GPC6: variants seen among roughly 807,000 people sequenced by gnomAD.
The protein encoded by GPC6 is glypican 6.
A neutral mutation model predicts 55.2 loss-of-function variants in GPC6; 14 were observed. The ratio of observed to expected loss-of-function variants is 0.25; its 90% CI spans 0.17 to 0.40. GPC6 has a LOEUF of 0.40. GPC6 is among the 10% of genes least tolerant of loss of function. The pLI is 1.00. For synonymous variants in GPC6, 278 were observed against 259.6 expected (o/e 1.07, Z -0.68); for missense variants, 641 against 708.5 (o/e 0.90, Z 1.08).
intron 3 of GPC6, among the ~76,000 whole-genome samples, chr13:93,887,015 G>T (rs1875381684): frequency 1.3e-5 from 2 of 151,840 alleles, no homozygotes; most frequent in Non-Finnish European, 2.9e-5. Context: ...TAATAAGAAT[G>T]TATGTTTCCA....
intron 2 of GPC6, among the ~76,000 whole-genome samples, chr13:93,793,682 G>A (rs1402332693): frequency 1.3e-5 from 2 of 152,132 alleles, no homozygotes; most frequent in African/African-American, 4.8e-5. Flanking sequence ...CTACTTTTAT[G>A]ATGGTGATGA....
intron 2 of GPC6, among the ~76,000 whole-genome samples, chr13:93,706,795 C>A (rs933190601): frequency 2.0e-5 from 3 of 151,772 alleles, no homozygotes; most frequent in Non-Finnish European, 1.5e-5. Flanking sequence ...AGAAAAAAAA[C>A]CATGCAGCTC....
chr13:93,340,250 G>A (rs1223558664), intron 1 of GPC6, among the ~76,000 whole-genome samples: 1 of 151,776 alleles, frequency 6.6e-6, no homozygotes, highest in Non-Finnish European at 1.5e-5. Context: ...TAGCCAGGTT[G>A]GTCTGGATCT....
intron 1 of GPC6, among the ~76,000 whole-genome samples, chr13:93,407,738 A>C (rs1245954993): frequency 6.6e-6 from 1 of 152,170 alleles, no homozygotes; most frequent in Non-Finnish European, 1.5e-5. Flanking sequence ...CAAGGGTTCC[A>C]TCTCATTCTG....
rs147988812 is a variant in GPC6, at chr13:94,240,624, T to TAAATA, written c.878-45697_878-45693dup. 9.8e-3 allele frequency among the ~76,000 whole-genome samples: 1,463 copies of TAAATA among 149,730 alleles called. 23 individuals carry two copies. Among genetic ancestry groups the TAAATA allele is most frequent in the African/African-American group, 0.025 (1,010 of 40,644 alleles). On this transcript the variant is annotated intron_variant, in intron 4 of 8. Coordinates refer to ENST00000377047, the MANE Select transcript of GPC6 (RefSeq NM_005708.5). ...TATTCCAGTGTTGGGAGACAGAAAG[T>TAAATA]AAATAAAATAAAATAAAATAAAATA...
At chr13:94,175,304 G>A (rs1030366541) in intron 4 of GPC6, among the ~76,000 whole-genome samples, 1 of 152,122 alleles carries the variant, frequency 6.6e-6, no homozygotes, top group Non-Finnish European at 1.5e-5. Flanking sequence ...TGCCTTTGTA[G>A]CACAATAGCA....
At chr13:94,284,579 C>A (rs1437693281) in intron 4 of GPC6, among the ~76,000 whole-genome samples, 1 of 151,714 alleles carries the variant, frequency 6.6e-6, no homozygotes, top group Non-Finnish European at 1.5e-5. Context: ...CCCCAAAACA[C>A]ACTATTTATG....
chr13:93,696,601 G>A (rs928778931), intron 2 of GPC6, among the ~76,000 whole-genome samples: 5 of 144,454 alleles, frequency 3.5e-5, no homozygotes, highest in African/African-American at 1.3e-4. Context: ...TTTTATACTG[G>A]TTACCTCCAT....
chr13:94,160,750 G>T (rs144461186), intron 4 of GPC6, among the ~76,000 whole-genome samples: 1 of 152,064 alleles, frequency 6.6e-6, no homozygotes, highest in South Asian at 2.1e-4. Flanking sequence ...TTTTTTCTTC[G>T]TTTCGTTCAT....
intron 5 of GPC6, among the ~76,000 whole-genome samples, chr13:94,287,656 G>T (rs1466993153): frequency 6.6e-6 from 1 of 152,120 alleles, no homozygotes; most frequent in Non-Finnish European, 1.5e-5. Context: ...TGTAAAGGAG[G>T]ATGCTCCAAA....
chr13:93,739,784 C>G (rs1253624829), intron 2 of GPC6, among the ~76,000 whole-genome samples: 1 of 152,174 alleles, frequency 6.6e-6, no homozygotes, highest in Non-Finnish European at 1.5e-5. Flanking sequence ...GGTTCTAACA[C>G]TAGCGTAGGG....
At chr13:93,309,877 G>T (rs959396881) in intron 1 of GPC6, among the ~76,000 whole-genome samples, 4 of 152,132 alleles carry the variant, frequency 2.6e-5, no homozygotes, top group African/African-American at 9.7e-5. Context: ...GTTGATACTT[G>T]TTGTACCTTC....
At chr13:93,505,741 C>G (rs1173138296) in intron 1 of GPC6, among the ~76,000 whole-genome samples, 1 of 152,128 alleles carries the variant, frequency 6.6e-6, no homozygotes, top group Non-Finnish European at 1.5e-5. Flanking sequence ...ACAATTGAAA[C>G]AAGGCAAAGC....
At position 93,604,559 on chromosome 13, in the gene GPC6, G is replaced by A. The variant is rs938137891; in HGVS notation, c.319+59138G>A. Among the ~76,000 whole-genome samples, 9 of 151,954 alleles carry A rather than the reference G, an allele frequency of 5.9e-5. 1 individual carries two copies. Among genetic ancestry groups the A allele is most frequent in the Non-Finnish European group, 1.0e-4 (7 of 68,010 alleles). ...TTCTTTAATGCAAATATACAGTGAG[G>A]TACCTTTTTTTTCTTGGCCAGATAT... is the stretch of plus-strand genomic sequence containing the variant. On this transcript the variant is annotated intron_variant, in intron 2 of 8. Transcript: ENST00000377047.
Position 93,833,764 on chromosome 13 carries a change from T to C in GPC6, c.711+3219T>C, listed in dbSNP as rs1887622987. 1.3e-5 allele frequency among the ~76,000 whole-genome samples: 2 copies of C among 152,014 alleles called. 1 individual carries two copies. Among genetic ancestry groups the C allele is most frequent in the South Asian group, 4.2e-4 (2 of 4,804 alleles). ...AAATTTCTTACCAGAAAAATGGAGG[T>C]CTAAATTGTAAGCATCAACAGAATT... is the stretch of plus-strand genomic sequence containing the variant. On this transcript the variant is annotated intron_variant, in intron 3 of 8. Coordinates refer to ENST00000377047, the MANE Select transcript of GPC6 (RefSeq NM_005708.5).
At chr13:93,240,477 C>G (rs1400094101) in intron 1 of GPC6, among the ~76,000 whole-genome samples, 1 of 151,642 alleles carries the variant, frequency 6.6e-6, no homozygotes, top group Non-Finnish European at 1.5e-5. Context: ...TTTTTGGATG[C>G]CATTTGTGTG....
intron 2 of GPC6, among the ~76,000 whole-genome samples, chr13:93,576,133 C>A (rs1247950708): frequency 2.0e-5 from 3 of 152,074 alleles, no homozygotes; most frequent in South Asian, 4.2e-4. Flanking sequence ...ATTGTCTCTT[C>A]TATTTGTTAT....
chr13:94,085,971 A>G (rs1475909924), intron 4 of GPC6, among the ~76,000 whole-genome samples: 1 of 152,194 alleles, frequency 6.6e-6, no homozygotes, highest in Non-Finnish European at 1.5e-5. Context: ...CTAATGGGTT[A>G]TTGAAGAAGA....
intron 1 of GPC6, among the ~76,000 whole-genome samples, chr13:93,342,084 T>C (rs1465380260): frequency 6.6e-6 from 1 of 152,004 alleles, no homozygotes; most frequent in Non-Finnish European, 1.5e-5. Flanking sequence ...TTAGCCAGGA[T>C]GGTCTCAATC....
Sources: allele counts gnomAD v4.1 joint callset (sites outside exome capture counted in the v4.1 genomes callset), GRCh38; gene constraint gnomAD v4.1.1; transcripts MANE v1.5; gene names NCBI Gene and HGNC (gene_info 2026-07-23, HGNC 2026-07-21).